RPH3A: variants seen among roughly 807,000 people sequenced by gnomAD.
RPH3A encodes rabphilin-3A.
RPH3A carries 48 observed loss-of-function variants against 102.2 expected under a neutral mutation model. That is an observed-to-expected ratio of 0.47 (90% CI 0.37 to 0.60). The LOEUF (loss-of-function observed/expected upper bound fraction) is 0.60. RPH3A is among the 20% of genes least tolerant of loss of function. The probability of loss-of-function intolerance (pLI) is 0.00; values close to 1 mark genes in which losing one functional copy is unlikely to be tolerated. For synonymous variants in RPH3A, 310 were observed against 324.3 expected, an observed-to-expected ratio of 0.96 and a Z score of 0.47; for missense variants, 781 against 910.1, an observed-to-expected ratio of 0.86 and a Z score of 1.83.
intron 4 of RPH3A, chr12:112,837,764 A>G (rs893136891): frequency 6.6e-6 from 3 of 455,892 alleles, no homozygotes; most frequent in Admixed American, 2.4e-5. Context: ...TGACTCCAAA[A>G]GGTCTCAGGG....
chr12:112,717,377 C>T (rs2040520672), intron 1 of RPH3A, among the ~76,000 whole-genome samples: 1 of 152,038 alleles, frequency 6.6e-6, no homozygotes, highest in African/African-American at 2.4e-5. Context: ...TTGCCTTTTC[C>T]AGAATGTCAT....
At chr12:112,814,540 G>C (rs751329177) in intron 2 of RPH3A, among the ~76,000 whole-genome samples, 35 of 152,144 alleles carry the variant, frequency 2.3e-4, no homozygotes, top group Non-Finnish European at 4.6e-4. Context: ...CTCTCTTACT[G>C]GACCTTCTAC....
intron 1 of RPH3A, among the ~76,000 whole-genome samples, chr12:112,579,408 G>T (rs1030912087): frequency 9.9e-5 from 15 of 152,038 alleles, no homozygotes; most frequent in African/African-American, 3.4e-4. Flanking sequence ...GTGGGCACCC[G>T]TATCATTTGA....
chr12:112,803,204 C>G (rs2041387793), intron 2 of RPH3A, among the ~76,000 whole-genome samples: 1 of 152,100 alleles, frequency 6.6e-6, no homozygotes, highest in Admixed American at 6.5e-5. Context: ...CTGAGGGGCT[C>G]CTCACCTGCT....
At chr12:112,796,751 A>G (rs999238872) in intron 2 of RPH3A, among the ~76,000 whole-genome samples, 6 of 152,210 alleles carry the variant, frequency 3.9e-5, no homozygotes, top group African/African-American at 1.4e-4. Context: ...ATAAAATGGC[A>G]ATAAAGACAC....
intron 1 of RPH3A, among the ~76,000 whole-genome samples, chr12:112,780,677 A>G (rs915510821): frequency 1.3e-5 from 2 of 152,152 alleles, no homozygotes; most frequent in African/African-American, 4.8e-5. Context: ...TTATCCTTAC[A>G]AACATCTAGA....
At chr12:112,675,177 GT>G (rs957334987) in intron 1 of RPH3A, among the ~76,000 whole-genome samples, 2 of 152,024 alleles carry the variant, frequency 1.3e-5, no homozygotes, top group East Asian at 1.9e-4. Flanking sequence ...AAAGGAAAGA[GT>G]TTTTTTTGTT....
At position 112,836,479 on chromosome 12, in the gene RPH3A, G is replaced by T; in HGVS notation, c.72-12G>T. 5 of 1,330,044 alleles carry T rather than the reference G, an allele frequency of 3.8e-6. No individual in the cohort carries two copies. Among genetic ancestry groups the T allele is most frequent in the Non-Finnish European group, 3.1e-6 (3 of 966,438 alleles). The allele number at this position is 1,330,044 out of a possible 1,614,324, so 82.4% of individuals were successfully genotyped here. Reference sequence around the variant, plus strand: ...CATTTTTTCTTTCTCTCCTTTCTCTGCCTTCCTTCAGTGATAAAGAACAGT... The same window carrying T: ...CATTTTTTCTTTCTCTCCTTTCTCTTCCTTCCTTCAGTGATAAAGAACAGT... On this transcript the variant is annotated splice_polypyrimidine_tract_variant and intron_variant, in intron 3 of 21. Transcript: ENST00000389385.
intron 21 of RPH3A, 90 bp downstream of exon 21, chr12:112,895,963 T>C: frequency 1.2e-6 from 1 of 857,132 alleles, no homozygotes; most frequent in Non-Finnish European, 1.9e-6. Context: ...GTTGAGGTCA[T>C]TGCTATTCTT....
intron 2 of RPH3A, among the ~76,000 whole-genome samples, chr12:112,826,641 A>G (rs947869212): frequency 6.6e-6 from 1 of 152,146 alleles, no homozygotes; most frequent in African/African-American, 2.4e-5. Flanking sequence ...GTCACTACCA[A>G]ATAGCTTTGT....
chr12:112,629,465 ATTTTTTTTTTT>A (rs11294395), intron 1 of RPH3A, among the ~76,000 whole-genome samples: 3 of 84,024 alleles, frequency 3.6e-5, no homozygotes, highest in Non-Finnish European at 6.6e-5. Flanking sequence ...TGCACTTTGC[ATTTTTTTTTTT>A]TTTTTTTTTT....
At chr12:112,872,927 G>A (rs1380622544) in intron 10 of RPH3A, among the ~76,000 whole-genome samples, 2 of 152,162 alleles carry the variant, frequency 1.3e-5, no homozygotes, top group African/African-American at 2.4e-5. Context: ...GTGGTGAGAC[G>A]CAGCCCTAAT....
chr12:112,746,088 G>A (rs545457853), intron 1 of RPH3A, among the ~76,000 whole-genome samples: 2 of 152,204 alleles, frequency 1.3e-5, no homozygotes, highest in East Asian at 1.9e-4. Context: ...AGAGTACTAC[G>A]TGTGTTTCAC....
chr12:112,634,192 CAA>C (rs2039828853), intron 1 of RPH3A, among the ~76,000 whole-genome samples: 1 of 143,216 alleles, frequency 7.0e-6, no homozygotes, highest in African/African-American at 2.6e-5. Flanking sequence ...ACTAAAAATA[CAA>C]AAAATTAGCC....
At chr12:112,629,007 A>G (rs922395379) in intron 1 of RPH3A, among the ~76,000 whole-genome samples, 1 of 152,100 alleles carries the variant, frequency 6.6e-6, no homozygotes, top group Admixed American at 6.6e-5. Context: ...ATTTGCCCCA[A>G]TGTCTCACAC....
intron 1 of RPH3A, among the ~76,000 whole-genome samples, chr12:112,676,156 T>C (rs2040172938): frequency 6.6e-6 from 1 of 151,908 alleles, no homozygotes; most frequent in Non-Finnish European, 1.5e-5. Context: ...GGGCCTCCCG[T>C]TGGCAGAATG....
chr12:112,707,218 A>G (rs1382576401), intron 1 of RPH3A, among the ~76,000 whole-genome samples: 3 of 152,194 alleles, frequency 2.0e-5, no homozygotes, highest in Non-Finnish European at 4.4e-5. Context: ...CTGGAATCCT[A>G]TATTTGTCAC....
At chr12:112,684,029 ATCTC>A (rs1373854967) in intron 1 of RPH3A, among the ~76,000 whole-genome samples, 2 of 152,206 alleles carry the variant, frequency 1.3e-5, no homozygotes, top group East Asian at 3.8e-4. Context: ...ATATGTATCT[ATCTC>A]TACATATAGA....
At chr12:112,808,257 A>G (rs1444404590) in intron 2 of RPH3A, among the ~76,000 whole-genome samples, 1 of 152,220 alleles carries the variant, frequency 6.6e-6, no homozygotes, top group Non-Finnish European at 1.5e-5. Flanking sequence ...AAGAACGTGA[A>G]GGTCTTTTAT....
Sources: allele counts gnomAD v4.1 joint callset (sites outside exome capture counted in the v4.1 genomes callset), GRCh38; gene constraint gnomAD v4.1.1; transcripts MANE v1.5; gene names NCBI Gene and HGNC (gene_info 2026-07-23, HGNC 2026-07-21).